The following PIP4K2B variants were observed in gnomAD, a reference collection of about 807,000 sequenced individuals.
PIP4K2B encodes the protein phosphatidylinositol 5-phosphate 4-kinase type-2 beta.
PIP4K2B carries 3 observed loss-of-function variants against 42.0 expected under a neutral mutation model. The observed-to-expected ratio is 0.07, with a 90% confidence interval of 0.03 to 0.18. The LOEUF (loss-of-function observed/expected upper bound fraction) is 0.18, where lower values mean the gene tolerates loss of function less well. Among genes scored for constraint, PIP4K2B ranks in the 10% least tolerant of loss-of-function variants. The pLI, the probability that PIP4K2B is intolerant of heterozygous loss-of-function variation, is 1.00. For synonymous variants in PIP4K2B, 204 were observed against 210.1 expected, an observed-to-expected ratio of 0.97 and a Z score of 0.25; for missense variants, 332 against 562.3, an observed-to-expected ratio of 0.59 and a Z score of 4.14.
Position 38,766,578 on chromosome 17 carries a change from GAA to G in PIP4K2B, c.*3111_*3112del, listed in dbSNP as rs1443790623. 6.5e-6 allele frequency: 1 copy of G among 152,740 alleles called. No homozygotes were observed. Among genetic ancestry groups the G allele is most frequent in the African/African-American group, 2.4e-5 (1 of 41,452 alleles). 9.5% of individuals were successfully genotyped at this position (152,740 alleles called of 1,614,324 possible). ...TTTGAGGCCAAAAGCACAGGCAAGAGAAAGAGTCAAGTAGGGAGAGGGGATAA... is the reference window on the plus strand; with the variant it reads ...TTTGAGGCCAAAAGCACAGGCAAGAGAGAGTCAAGTAGGGAGAGGGGATAA... On this transcript the variant is annotated 3_prime_UTR_variant, in exon 10 of 10. Transcript: ENST00000619039.
At chr17:38,795,656 C>T (rs1480198870) in intron 1 of PIP4K2B, among the ~76,000 whole-genome samples, 1 of 151,242 alleles carries the variant, frequency 6.6e-6, no homozygotes, top group Non-Finnish European at 1.5e-5. Context: ...GAGGCTGAGG[C>T]AGGAGAATCG....
intron 1 of PIP4K2B, among the ~76,000 whole-genome samples, chr17:38,797,496 G>A (rs950084951): frequency 3.3e-5 from 5 of 152,210 alleles, no homozygotes; most frequent in African/African-American, 9.7e-5. Context: ...ACCCTTGGCC[G>A]ATACAGTCCC....
Position 38,769,497 on chromosome 17 carries a change from GCA to G in PIP4K2B, c.*192_*193del, listed in dbSNP as rs1908888437. 1.3e-5 allele frequency: 8 copies of G among 610,206 alleles called. No individual in the cohort carries two copies. In the Middle Eastern group the frequency reaches 1.2e-3, roughly 92 times the overall value. 37.8% of individuals were successfully genotyped at this position (610,206 alleles called of 1,614,324 possible). The stretch of plus-strand genomic sequence containing the variant: ...GTGGGGTTACATCCTGTGAGCAGGT[GCA>G]CACACAGCACATCCCCCTCCTCTTC... On this transcript the variant is annotated 3_prime_UTR_variant, in exon 10 of 10. Transcript: ENST00000619039.
rs776339027 is a variant in PIP4K2B, at chr17:38,778,294, C to T, written c.693+40G>A. On this transcript the variant is annotated intron_variant, in intron 6 of 9. Transcript: ENST00000619039. ...GATGGCCGACAGGAGTTGTTTCTGACTCCAAGCGACCCTTCCATTCCTGCT... is the reference window on the plus strand; with the variant it reads ...GATGGCCGACAGGAGTTGTTTCTGATTCCAAGCGACCCTTCCATTCCTGCT... 5 of 1,607,182 alleles carry T rather than the reference C, an allele frequency of 3.1e-6. No individual in the cohort carries two copies. In the South Asian group the frequency reaches 4.4e-5, roughly 14 times the overall value.
intron 7 of PIP4K2B, chr17:38,775,976 C>T: frequency 2.2e-6 from 1 of 448,732 alleles, no homozygotes; most frequent in Non-Finnish European, 4.4e-6. Context: ...CTGCTGTTTG[C>T]TTCCTTTTTT....
In PIP4K2B at chr17:38,799,513, C is replaced by A. The variant is rs1434703998; in HGVS notation, c.-89G>T. 7 of 1,361,282 alleles carry A rather than the reference C, an allele frequency of 5.1e-6. No individual in the cohort carries two copies. Among genetic ancestry groups the A allele is most frequent in the Non-Finnish European group, 6.6e-6 (7 of 1,062,992 alleles). The allele number at this position is 1,361,282 out of a possible 1,614,324, so 84.3% of individuals were successfully genotyped here. A position where few individuals can be genotyped will look rare whatever the true frequency, so the allele number is the denominator to read the frequency against. ...CCTCAGGCCTCCCCCGGACCGATCC[C>A]CACCCCCGCTCCCTCACCGCGCCAT... On this transcript the variant is annotated 5_prime_UTR_variant, in exon 1 of 10. Coordinates refer to ENST00000619039, the MANE Select transcript of PIP4K2B (RefSeq NM_003559.5). This position sits in a 1 kb window ranked among gnomAD's most constrained non-coding sequence, Gnocchi z 4.4.
At chr17:38,778,678 C>T (rs949783533) in intron 5 of PIP4K2B, among the ~76,000 whole-genome samples, 1 of 142,458 alleles carries the variant, frequency 7.0e-6, no homozygotes, top group Non-Finnish European at 1.6e-5. Context: ...TCATTCACTA[C>T]CACGGTGCTC....
At chr17:38,794,609 T>TAA (rs34374571) in intron 1 of PIP4K2B, among the ~76,000 whole-genome samples, 34 of 34,184 alleles carry the variant, frequency 9.9e-4, no homozygotes, top group Middle Eastern at 0.02. Context: ...CCCAATTCAT[T>TAA]AAAAAAAAAA....
At chr17:38,793,966 A>G (rs1207655056) in intron 1 of PIP4K2B, among the ~76,000 whole-genome samples, 1 of 152,198 alleles carries the variant, frequency 6.6e-6, no homozygotes, top group African/African-American at 2.4e-5. Context: ...AGCAGACTAA[A>G]GAATAAATCT....
At chr17:38,794,526 A>C (rs1170716269) in intron 1 of PIP4K2B, among the ~76,000 whole-genome samples, 1 of 149,940 alleles carries the variant, frequency 6.7e-6, no homozygotes, top group East Asian at 1.9e-4. Context: ...GAAGAAAGAA[A>C]GAGCTAAAAC....
At chr17:38,788,450 T>C (rs1270187979) in intron 1 of PIP4K2B, among the ~76,000 whole-genome samples, 3 of 151,800 alleles carry the variant, frequency 2.0e-5, no homozygotes, top group Non-Finnish European at 4.4e-5. Context: ...TCCACCCACC[T>C]CGGCCTCCCA....
chr17:38,789,536 G>A (rs1195557744), intron 1 of PIP4K2B, among the ~76,000 whole-genome samples: 1 of 152,172 alleles, frequency 6.6e-6, no homozygotes, highest in East Asian at 1.9e-4. Flanking sequence ...GCCCCAGGTG[G>A]CAGTGAGGGG....
rs1348076800 is a variant in PIP4K2B, at chr17:38,771,096, G to T, written c.984C>A (p.Gly328=). ...CSYGTPPDSP[G]NLLSFPRFFG... ...AGAACCGAGGAAAGCTGAGGAGGTT[G>T]CCAGGGCTGTCCGGAGGTGTGCCAT... The change falls in exon 8 of 10, where the codon GGC becomes GGA. Residue 328 remains glycine (G), a synonymous_variant. Coordinates refer to ENST00000619039, the MANE Select transcript of PIP4K2B (RefSeq NM_003559.5). 3 of 1,614,044 alleles carry T rather than the reference G, an allele frequency of 1.9e-6. No individual in the cohort carries two copies. The highest frequency in any genetic ancestry group is 4.5e-5 in the East Asian group (2 of 44,896).
At chr17:38,798,608 G>A (rs1016675170) in intron 1 of PIP4K2B, among the ~76,000 whole-genome samples, 2 of 152,120 alleles carry the variant, frequency 1.3e-5, no homozygotes, top group African/African-American at 4.8e-5. Context: ...TTATAACCAG[G>A]CATCCTCTTC....
intron 8 of PIP4K2B, among the ~76,000 whole-genome samples, chr17:38,770,804 C>T (rs530675886): frequency 6.6e-6 from 1 of 152,140 alleles, no homozygotes; most frequent in African/African-American, 2.4e-5. Context: ...TTCAGTCAGC[C>T]AGGACAAGCA....
At chr17:38,775,766 G>A (rs763168313) in intron 7 of PIP4K2B, among the ~76,000 whole-genome samples, 3 of 151,960 alleles carry the variant, frequency 2.0e-5, no homozygotes, top group Admixed American at 2.0e-4. Context: ...GCTGAAGCAG[G>A]AGAATCGCTT....
rs577724935 is a variant in PIP4K2B at position 38,796,367 on chromosome 17, C to A, written c.159+2899G>T. On this transcript the variant is annotated intron_variant, in intron 1 of 9. Coordinates refer to ENST00000619039, the MANE Select transcript of PIP4K2B (RefSeq NM_003559.5). The stretch of plus-strand genomic sequence containing the variant: ...CATCAACTGCTCCTGCTCCTCTGAT[C>A]CCTGTGGTAAGGCTTCACACATACC... 3.9e-5 allele frequency among the ~76,000 whole-genome samples: 6 copies of A among 152,268 alleles called. No homozygotes were observed. In the South Asian group the frequency reaches 1.2e-3, roughly 32 times the overall value.
chr17:38,775,581 G>T lies in PIP4K2B; in HGVS notation c.807+2106C>A, dbSNP rs572080305. 4.6e-5 allele frequency among the ~76,000 whole-genome samples: 7 copies of T among 152,226 alleles called. No individual in the cohort carries two copies. The South Asian group carries it at 1.5e-3, about 32-fold the overall frequency. ...TTTAAAAAGAAAGAAATTCTGGCCA[G>T]GTGTGGTGGCTCACGCCTGTAATCC... is the stretch of plus-strand genomic sequence containing the variant. On this transcript the variant is annotated intron_variant, in intron 7 of 9. Transcript: ENST00000619039.
intron 5 of PIP4K2B, 52 bp downstream of exon 5, chr17:38,779,331 C>A: frequency 6.5e-7 from 1 of 1,547,308 alleles, no homozygotes. Context: ...GTGGCCCCTT[C>A]GGGGCTCAGA....
Sources: allele counts gnomAD v4.1 joint callset (sites outside exome capture counted in the v4.1 genomes callset), GRCh38; gene constraint gnomAD v4.1.1; non-coding constraint Gnocchi (gnomAD v3.1); transcripts MANE v1.5; gene names NCBI Gene and HGNC (gene_info 2026-07-23, HGNC 2026-07-21).